The following WNK1 variants were observed in gnomAD, a reference collection of about 807,000 sequenced individuals.
WNK1 encodes the protein serine/threonine-protein kinase WNK1.
In WNK1, 38 loss-of-function variants were observed where a neutral mutation model predicts 222.8. That is an observed-to-expected ratio of 0.17 (90% confidence interval 0.13 to 0.22). The LOEUF is 0.22. Ranked by LOEUF, WNK1 falls within the 10% of genes least tolerant of loss-of-function variation. WNK1 has a pLI of 1.00. For missense variants in WNK1, 2,348 were observed against 2,918.4 expected (o/e 0.80, Z 4.50); for synonymous variants, 1,090 against 1,092.9 (o/e 1.00, Z 0.05).
At chr12:882,214 T>TAGACGGAG in intron 14 of WNK1, 141 bp downstream of exon 14, 3 of 979,874 alleles carry the variant, frequency 3.1e-6, no homozygotes, top group Non-Finnish European at 4.5e-6. Context: ...TTTTTTTTTT[T>TAGACGGAG]TAGACGGAGT....
intron 25 of WNK1, among the ~76,000 whole-genome samples, chr12:898,355 C>G (rs1013961593): frequency 1.3e-5 from 2 of 151,692 alleles, no homozygotes; most frequent in African/African-American, 4.8e-5. Context: ...TGGTGGCAGG[C>G]GCCTATAGTC....
Position 911,205 on chromosome 12 carries a change from G to C in WNK1, c.*2413G>C. 1 of 398,104 alleles carries C rather than the reference G, an allele frequency of 2.5e-6. No individual in the cohort carries two copies. The highest frequency in any genetic ancestry group is 2.1e-5 in the African/African-American group (1 of 48,690). The allele number at this position is 398,104 out of a possible 1,614,324, so 24.7% of individuals were successfully genotyped here. ...TTTTTGTGTTAATAGTACACTTTGAGTATCTTTTTCCACATTAAAAACTTT... is the reference window on the plus strand; with the variant it reads ...TTTTTGTGTTAATAGTACACTTTGACTATCTTTTTCCACATTAAAAACTTT... On this transcript the variant is annotated 3_prime_UTR_variant, in exon 28 of 28. Coordinates refer to ENST00000315939, the MANE Select transcript of WNK1 (RefSeq NM_018979.4).
At chr12:904,640 T>A (rs1273618903) in intron 26 of WNK1, 1 of 532,206 alleles carries the variant, frequency 1.9e-6, no homozygotes, top group Admixed American at 3.0e-5. Flanking sequence ...ACATGCTTAA[T>A]TGAGAAATCA....
intron 1 of WNK1, among the ~76,000 whole-genome samples, chr12:772,645 A>G (rs1565407123): frequency 6.6e-6 from 1 of 151,698 alleles, no homozygotes; most frequent in Non-Finnish European, 1.5e-5. Context: ...AGTATATATT[A>G]TTTTTTTAAT....
At chr12:865,080 T>C in intron 8 of WNK1, 3 of 1,485,136 alleles carry the variant, frequency 2.0e-6, no homozygotes, top group Non-Finnish European at 2.7e-6. Flanking sequence ...AGTACTGTGT[T>C]TTTCATGTGT....
chr12:882,345 C>CGTGCGTGG (rs1953244249), intron 14 of WNK1, among the ~76,000 whole-genome samples: 1 of 152,062 alleles, frequency 6.6e-6, no homozygotes, highest in Admixed American at 6.5e-5. Context: ...ACTACAGACA[C>CGTGCGTGG]GTGCCACCAC....
At chr12:872,665 A>G (rs1045944875) in intron 9 of WNK1, among the ~76,000 whole-genome samples, 1 of 152,254 alleles carries the variant, frequency 6.6e-6, no homozygotes. Context: ...GCCACTATGT[A>G]TGTAATGCAA....
intron 1 of WNK1, among the ~76,000 whole-genome samples, chr12:804,364 G>T (rs912757529): frequency 2.0e-5 from 3 of 151,858 alleles, no homozygotes; most frequent in African/African-American, 7.3e-5. Context: ...TTACAATGTT[G>T]TGCAATTACT....
At chr12:826,473 T>C (rs563038053) in intron 2 of WNK1, among the ~76,000 whole-genome samples, 100 of 152,272 alleles carry the variant, frequency 6.6e-4, no homozygotes, top group African/African-American at 2.4e-3. Context: ...AGAAGGAAAC[T>C]CAAGTAGTGC....
rs140186525 is a variant in WNK1 at position 884,414 on chromosome 12, A to G, written c.3844+171A>G. On this transcript the variant is annotated intron_variant, in intron 18 of 27. Transcript: ENST00000315939. The surrounding 1 kb of genome is among the most constrained non-coding windows in gnomAD (Gnocchi z 5.6). ...TGGGAGAGGGAAATAGATGAAGAAT[A>G]CAGAGAATTACAGAAAAAGCCAAGA... Among the ~76,000 whole-genome samples the G allele has an allele frequency of 9.3e-4, 142 of 152,354 alleles. 2 individuals are homozygous for G. Among genetic ancestry groups the G allele is most frequent in the South Asian group, 7.5e-3 (36 of 4,830 alleles).
At chr12:879,541 CCTGT>C in intron 10 of WNK1, 28 bp from the exon 11 acceptor site, 1 of 866,530 alleles carries the variant, frequency 1.2e-6, no homozygotes, top group Non-Finnish European at 1.7e-6. Context: ...TTTTTTTAAG[CCTGT>C]CTGTTTTGTT....
At chr12:799,874 G>A (rs1318092857) in intron 1 of WNK1, among the ~76,000 whole-genome samples, 7 of 151,938 alleles carry the variant, frequency 4.6e-5, no homozygotes, top group African/African-American at 1.2e-4. Context: ...TAGTAGAGAC[G>A]GGGTTTCACC....
intron 1 of WNK1, among the ~76,000 whole-genome samples, chr12:767,781 GT>G (rs1213134539): frequency 1.3e-5 from 2 of 152,122 alleles, no homozygotes; most frequent in Non-Finnish European, 2.9e-5. Flanking sequence ...AGTTGTAGTT[GT>G]TTACCAGAAG....
chr12:867,825 T>TA (rs1356924453), intron 8 of WNK1: 2 of 1,609,740 alleles, frequency 1.2e-6, no homozygotes, highest in African/African-American at 2.7e-5. Context: ...TAATTTCACA[T>TA]ATGAATGTAT....
intron 19 of WNK1, among the ~76,000 whole-genome samples, chr12:886,996 C>G (rs1953720957): frequency 6.6e-6 from 1 of 152,132 alleles, no homozygotes; most frequent in African/African-American, 2.4e-5. Flanking sequence ...CTGTATTTTA[C>G]TATTCATTTT....
Position 827,375 on chromosome 12 carries a change from G to A in WNK1, c.1153+113G>A. 1 of 905,162 alleles carries A rather than the reference G, an allele frequency of 1.1e-6. No homozygotes were observed. The highest frequency in any genetic ancestry group is 1.8e-6 in the Non-Finnish European group (1 of 551,784). The allele number at this position is 905,162 out of a possible 1,614,324, so 56.1% of individuals were successfully genotyped here. A position where few individuals can be genotyped will look rare whatever the true frequency, so the allele number is the denominator to read the frequency against. ...ATAAACCTTAAGAAATTCATAGCTT[G>A]AACTCAGGAGGTGATCCATTGTACT... On this transcript the variant is annotated intron_variant, in intron 3 of 27. Transcript: ENST00000315939. This position sits in a 1 kb window ranked among gnomAD's most constrained non-coding sequence, Gnocchi z 4.6.
intron 1 of WNK1, among the ~76,000 whole-genome samples, chr12:768,099 C>G (rs546986443): frequency 6.6e-6 from 1 of 152,256 alleles, no homozygotes; most frequent in East Asian, 1.9e-4. Flanking sequence ...AGTTTGGTGA[C>G]AAATTGTTTG....
rs370336055 is a variant in WNK1, at chr12:815,066, G to T, written c.932+1252G>T. Among the ~76,000 whole-genome samples the T allele has an allele frequency of 4.6e-5, 7 of 152,162 alleles. No homozygotes were observed. In the East Asian group the frequency reaches 1.3e-3, roughly 29 times the overall value. On this transcript the variant is annotated intron_variant, in intron 2 of 27. Transcript: ENST00000315939. ...GGAGCCAGAGCTCAGGTGGTAATGC[G>T]AGCAGTGAGGGAGCGGCTGTAAATA... is the stretch of plus-strand genomic sequence containing the variant.
At chr12:902,809 C>G (rs1007146802) in intron 26 of WNK1, among the ~76,000 whole-genome samples, 3 of 152,192 alleles carry the variant, frequency 2.0e-5, no homozygotes, top group Non-Finnish European at 4.4e-5. Context: ...CAGTGCCTAC[C>G]TGGCACAGAA....
Sources: allele counts gnomAD v4.1 joint callset (sites outside exome capture counted in the v4.1 genomes callset), GRCh38; gene constraint gnomAD v4.1.1; non-coding constraint Gnocchi (gnomAD v3.1); transcripts MANE v1.5; gene names NCBI Gene and HGNC (gene_info 2026-07-23, HGNC 2026-07-21).